NEGR1: variants seen among roughly 807,000 people sequenced by gnomAD.
NEGR1 encodes the protein neuronal growth regulator 1.
A neutral mutation model predicts 40.9 loss-of-function variants in NEGR1; 10 were observed. The ratio of observed to expected loss-of-function variants is 0.24; its 90% CI spans 0.15 to 0.42. The LOEUF is 0.42. Among genes scored for constraint, NEGR1 ranks in the 10% least tolerant of loss-of-function variants. NEGR1 has a pLI of 1.00. For missense variants in NEGR1, 352 were observed against 438.9 expected, an observed-to-expected ratio of 0.80 and a Z score of 1.77; for synonymous variants, 185 against 166.8, an observed-to-expected ratio of 1.11 and a Z score of -0.84.
chr1:71,623,131 G>T (rs752567126), intron 4 of NEGR1, among the ~76,000 whole-genome samples: 6 of 151,416 alleles, frequency 4.0e-5, no homozygotes, highest in African/African-American at 2.4e-5. Flanking sequence ...AAGCTTTCAG[G>T]ATCTAGAAAG....
At chr1:71,675,229 A>G (rs1268578583) in intron 4 of NEGR1, among the ~76,000 whole-genome samples, 1 of 148,054 alleles carries the variant, frequency 6.8e-6, no homozygotes, top group Non-Finnish European at 1.5e-5. Context: ...ACCTTCAGGT[A>G]TAGAGTTAAG....
chr1:71,776,369 C>T, intron 2 of NEGR1, 72 bp from the exon 3 acceptor site: 9 of 883,432 alleles, frequency 1.0e-5, no homozygotes, highest in Non-Finnish European at 1.5e-5. Context: ...TGATTAATTC[C>T]ATAATATCAT....
chr1:71,597,458 C>CTGTG (rs1176723704), intron 5 of NEGR1, among the ~76,000 whole-genome samples: 1 of 65,492 alleles, frequency 1.5e-5, no homozygotes, highest in African/African-American at 5.8e-5. Context: ...CTCTCTCTCT[C>CTGTG]TCTCTCTCTC....
intron 3 of NEGR1, among the ~76,000 whole-genome samples, chr1:71,773,030 GT>G (rs530966982): frequency 3.7e-4 from 56 of 151,282 alleles, no homozygotes; most frequent in Non-Finnish European, 6.9e-4. Context: ...CAGGAAAGGT[GT>G]TTTTTTTTGG....
At chr1:71,806,386 T>G (rs1266369421) in intron 2 of NEGR1, among the ~76,000 whole-genome samples, 1 of 152,058 alleles carries the variant, frequency 6.6e-6, no homozygotes, top group African/African-American at 2.4e-5. Context: ...AGCCCTATGA[T>G]AACAAAGATT....
chr1:71,814,281 C>T (rs952003525), intron 2 of NEGR1, among the ~76,000 whole-genome samples: 4 of 151,916 alleles, frequency 2.6e-5, no homozygotes, highest in Admixed American at 6.6e-5. Flanking sequence ...ACGGTGAATA[C>T]GCTTTTTGAT....
intron 2 of NEGR1, among the ~76,000 whole-genome samples, chr1:71,820,718 A>G (rs1036655016): frequency 6.6e-6 from 1 of 151,950 alleles, no homozygotes; most frequent in Non-Finnish European, 1.5e-5. Flanking sequence ...ATCACACAGC[A>G]TGAGGCCAAG....
chr1:72,211,647 G>A (rs1431304947), intron 1 of NEGR1, among the ~76,000 whole-genome samples: 1 of 150,734 alleles, frequency 6.6e-6, no homozygotes, highest in Admixed American at 6.6e-5. Context: ...AATATGTAAT[G>A]GGTTTGTCAT....
intron 1 of NEGR1, among the ~76,000 whole-genome samples, chr1:72,242,403 T>C (rs1303247716): frequency 6.6e-6 from 1 of 151,624 alleles, no homozygotes; most frequent in East Asian, 1.9e-4. Context: ...TTAGTACTCA[T>C]ATTTAAATGG....
intron 4 of NEGR1, among the ~76,000 whole-genome samples, chr1:71,672,923 C>T (rs1041909103): frequency 2.0e-5 from 3 of 152,004 alleles, no homozygotes; most frequent in African/African-American, 7.3e-5. Context: ...GGATTTGAAC[C>T]CAACAAAAGC....
intron 6 of NEGR1, among the ~76,000 whole-genome samples, chr1:71,569,670 A>G (rs1648748133): frequency 6.6e-6 from 1 of 152,196 alleles, no homozygotes; most frequent in African/African-American, 2.4e-5. Context: ...TAAATGCAGA[A>G]TTCAGATGAT....
intron 3 of NEGR1, among the ~76,000 whole-genome samples, chr1:71,768,616 T>C (rs947209174): frequency 6.6e-6 from 1 of 152,180 alleles, no homozygotes; most frequent in African/African-American, 2.4e-5. Flanking sequence ...AACTTAATGC[T>C]GCAATAAGGT....
At chr1:72,205,865 C>T (rs924392216) in intron 1 of NEGR1, among the ~76,000 whole-genome samples, 4 of 149,512 alleles carry the variant, frequency 2.7e-5, no homozygotes, top group Non-Finnish European at 4.4e-5. Flanking sequence ...AGTGCTTGGG[C>T]CAGGGAGGTC....
intron 1 of NEGR1, among the ~76,000 whole-genome samples, chr1:72,055,622 C>T (rs562449967): frequency 1.5e-4 from 23 of 150,690 alleles, no homozygotes; most frequent in African/African-American, 5.1e-4. Context: ...ATTTGGAAAA[C>T]GAGTGCTATC....
intron 1 of NEGR1, among the ~76,000 whole-genome samples, chr1:72,033,727 T>A (rs1018253203): frequency 6.6e-6 from 1 of 152,182 alleles, no homozygotes; most frequent in Non-Finnish European, 1.5e-5. Flanking sequence ...ATGTTTAGAC[T>A]GTTATTTTTT....
intron 1 of NEGR1, among the ~76,000 whole-genome samples, chr1:72,099,727 CTAAATTGTTTTT>C (rs1648855484): frequency 6.6e-6 from 1 of 151,802 alleles, no homozygotes; most frequent in Non-Finnish European, 1.5e-5. Context: ...TAGTTAGCAT[CTAAATTGTTTTT>C]TAAATAATAA....
intron 6 of NEGR1, chr1:71,463,515 TGA>T (rs1646727029): frequency 6.6e-6 from 1 of 152,184 alleles, no homozygotes; most frequent in Non-Finnish European, 1.5e-5. Flanking sequence ...TAGAGGTTCC[TGA>T]GTCTAGGGGT....
chr1:71,980,757 T>C (rs1646347509), intron 1 of NEGR1, among the ~76,000 whole-genome samples: 1 of 152,098 alleles, frequency 6.6e-6, no homozygotes, highest in African/African-American at 2.4e-5. Flanking sequence ...ACTCTCTAGG[T>C]TGTGGTGTGC....
chr1:71,724,544 G>T (rs2101656951), intron 3 of NEGR1, among the ~76,000 whole-genome samples: 1 of 152,130 alleles, frequency 6.6e-6, no homozygotes, highest in African/African-American at 2.4e-5. Flanking sequence ...TATGTTGTTA[G>T]TTTTATTTCA....
Sources: allele counts gnomAD v4.1 joint callset (sites outside exome capture counted in the v4.1 genomes callset), GRCh38; gene constraint gnomAD v4.1.1; transcripts MANE v1.5; gene names NCBI Gene and HGNC (gene_info 2026-07-23, HGNC 2026-07-21).